Variants in DISC1 observed in about 807,000 individuals in gnomAD.
The protein encoded by DISC1 is DISC1 scaffold protein, also known as disrupted in schizophrenia 1 protein.
DISC1 carries 57 observed loss-of-function variants against 84.5 expected under a neutral mutation model. The ratio of observed to expected loss-of-function variants is 0.67; its 90% CI spans 0.55 to 0.84. The LOEUF (loss-of-function observed/expected upper bound fraction) is 0.84, where lower values mean the gene tolerates loss of function less well. Among genes scored for constraint, DISC1 ranks in the 40% least tolerant of loss-of-function variants. The pLI is 0.00. For synonymous variants in DISC1, 411 were observed against 415.2 expected (o/e 0.99, Z 0.12); for missense variants, 1,000 against 1,057.8 (o/e 0.95, Z 0.76).
Position 231,846,611 on chromosome 1 carries a change from C to T in DISC1, c.1981+28094C>T, listed in dbSNP as rs201049808. The stretch of plus-strand genomic sequence containing the variant: ...GGTAGACACTCACGGTGCAGGGACA[C>T]GCCAGTTCCAAATCGCATCTTTACT... On this transcript the variant is annotated intron_variant, in intron 9 of 12. Coordinates refer to ENST00000439617, the MANE Select transcript of DISC1 (RefSeq NM_018662.3). Among the ~76,000 whole-genome samples, 7 of 152,160 alleles carry T rather than the reference C, an allele frequency of 4.6e-5. No homozygotes were observed. In the East Asian group the frequency reaches 5.8e-4, roughly 13 times the overall value.
In DISC1 at chr1:232,008,925, C is replaced by G; in HGVS notation, c.2183C>G (p.Ala728Gly). The change falls in exon 11 of 13, where the codon GCT (alanine) becomes GGT (glycine). Residue 728 changes from alanine (A) to glycine (G), a missense_variant. Transcript: ENST00000439617. ...AGGCAGATGGATGACTTAGAGGGAG[C>G]TGCTCCTCCTATTCCCCCCAGGCTC... ...DERQMDDLEG[A>G]APPIPPRLHS... is the part of the protein sequence containing the mutation. 1 of 1,613,756 alleles carries G rather than the reference C, an allele frequency of 6.2e-7. No homozygotes were observed. The highest frequency in any genetic ancestry group is 8.5e-7 in the Non-Finnish European group (1 of 1,179,804).
At chr1:231,780,252 G>GAAAAGAAAAAAAAAAAAAAAAAAAAAAA (rs2077314618) in intron 6 of DISC1, among the ~76,000 whole-genome samples, 1 of 120,238 alleles carries the variant, frequency 8.3e-6, no homozygotes, top group Non-Finnish European at 1.7e-5. Flanking sequence ...AAAAAAAAAA[G>GAAAAGAAAAAAAAAAAAAAAAAAAAAAA]AAAAGGAAAG....
At position 231,826,145 on chromosome 1, in the gene DISC1, C is replaced by G. The variant is rs910879152; in HGVS notation, c.1981+7628C>G. Among the ~76,000 whole-genome samples the G allele has an allele frequency of 6.6e-6, 1 of 152,232 alleles. No homozygotes were observed. The highest frequency in any genetic ancestry group is 1.5e-5 in the Non-Finnish European group (1 of 68,048). ...TCTCATCCTCTGGACCACTGTGGTA[C>G]TGGCTCCACTGGAATCTCTGTTTTA... On this transcript the variant is annotated intron_variant, in intron 9 of 12. Transcript: ENST00000439617. This position sits in a 1 kb window ranked among gnomAD's most constrained non-coding sequence, Gnocchi z 4.2.
At position 231,771,898 on chromosome 1, in the gene DISC1, G is replaced by A. The variant is rs572214912; in HGVS notation, c.1634+828G>A. Reference sequence around the variant, plus strand: ...GGCTCACTATAGCTTCAAATTCCTGGGTTTAAGTGATCCTTTCTGCCTCAG... The same window carrying A: ...GGCTCACTATAGCTTCAAATTCCTGAGTTTAAGTGATCCTTTCTGCCTCAG... On this transcript the variant is annotated intron_variant, in intron 6 of 12. Transcript: ENST00000439617. 2.6e-5 allele frequency among the ~76,000 whole-genome samples: 4 copies of A among 152,116 alleles called. No individual in the cohort carries two copies. The South Asian group carries it at 6.2e-4, about 24-fold the overall frequency.
At position 231,826,885 on chromosome 1, in the gene DISC1, T is replaced by G. The variant is rs1180746126; in HGVS notation, c.1981+8368T>G. On this transcript the variant is annotated intron_variant, in intron 9 of 12. Coordinates refer to ENST00000439617, the MANE Select transcript of DISC1 (RefSeq NM_018662.3). This position sits in a 1 kb window ranked among gnomAD's most constrained non-coding sequence, Gnocchi z 4.2. ...TAGAAGCCCTGTTTGCTTTTAAGAA[T>G]TTACTAATTTGTCATCCTTTTGATT... Among the ~76,000 whole-genome samples the G allele has an allele frequency of 6.6e-6, 1 of 152,260 alleles. No homozygotes were observed. The highest frequency in any genetic ancestry group is 1.5e-5 in the Non-Finnish European group (1 of 68,048).
intron 1 of DISC1, among the ~76,000 whole-genome samples, chr1:231,668,334 A>G (rs1166648465): frequency 6.6e-6 from 1 of 152,172 alleles, no homozygotes; most frequent in African/African-American, 2.4e-5. Flanking sequence ...TGTACTTACT[A>G]GCTTAAGCTT....
rs921883900 is a variant in DISC1 at position 231,711,976 on chromosome 1, C to T, written c.1117+9952C>T. The stretch of plus-strand genomic sequence containing the variant: ...ATTGAATTAGAGACCTTGATGAGGG[C>T]ATCATCCCAGATTATCTGAGGTGGG... On this transcript the variant is annotated intron_variant, in intron 3 of 12. Transcript: ENST00000439617. Among the ~76,000 whole-genome samples the T allele has an allele frequency of 1.3e-4, 20 of 152,282 alleles. No homozygotes were observed. In the South Asian group the frequency reaches 3.9e-3, roughly 30 times the overall value.
intron 10 of DISC1, among the ~76,000 whole-genome samples, chr1:231,990,360 C>T (rs569121756): frequency 4.4e-4 from 67 of 152,012 alleles, no homozygotes; most frequent in African/African-American, 1.3e-3. Flanking sequence ...CATCTCCTTC[C>T]GGCCAAGAGT....
intron 9 of DISC1, among the ~76,000 whole-genome samples, chr1:231,919,934 TGA>T (rs1307067376): frequency 2.6e-5 from 4 of 152,222 alleles, no homozygotes; most frequent in Admixed American, 1.3e-4. Flanking sequence ...GAAAATCATG[TGA>T]GGGTTTCCCT....
chr1:231,902,157 G>T (rs1473632353), intron 9 of DISC1, among the ~76,000 whole-genome samples: 1 of 152,078 alleles, frequency 6.6e-6, no homozygotes, highest in African/African-American at 2.4e-5. Flanking sequence ...CCTCTTGACT[G>T]GCACAGATGC....
intron 10 of DISC1, among the ~76,000 whole-genome samples, chr1:231,987,835 C>G (rs1572505962): frequency 6.6e-6 from 1 of 152,158 alleles, no homozygotes. Flanking sequence ...CAATTTGCAT[C>G]TAAATTATAT....
At chr1:231,815,302 A>G (rs1250872511) in intron 8 of DISC1, 2 of 152,170 alleles carry the variant, frequency 1.3e-5, no homozygotes, top group African/African-American at 2.4e-5. Flanking sequence ...GAACAGTCTC[A>G]TCACTCAAGA....
At chr1:231,879,794 G>C (rs2086162312) in intron 9 of DISC1, among the ~76,000 whole-genome samples, 1 of 152,154 alleles carries the variant, frequency 6.6e-6, no homozygotes, top group East Asian at 1.9e-4. Context: ...TCTGGAGATG[G>C]ATCAGAGATG....
In DISC1 at chr1:231,675,036, T is replaced by C. The variant is rs1225474421; in HGVS notation, c.68-18790T>C. On this transcript the variant is annotated intron_variant, in intron 1 of 12. Coordinates refer to ENST00000439617, the MANE Select transcript of DISC1 (RefSeq NM_018662.3). This position sits in a 1 kb window ranked among gnomAD's most constrained non-coding sequence, Gnocchi z 4.1. ...TGTGCCCACAAGCATAATCTCTGAA[T>C]TGGTGGATTTAAAACAAAGTTGATG... 4.6e-5 allele frequency among the ~76,000 whole-genome samples: 7 copies of C among 152,154 alleles called. No homozygotes were observed. Among genetic ancestry groups the C allele is most frequent in the Admixed American group, 4.6e-4 (7 of 15,274 alleles).
intron 11 of DISC1, among the ~76,000 whole-genome samples, chr1:232,024,028 T>TAC (rs112986007): frequency 4.1e-5 from 6 of 146,550 alleles, no homozygotes; most frequent in South Asian, 2.2e-4. Context: ...TATATATATA[T>TAC]ACACACACAT....
intron 1 of DISC1, among the ~76,000 whole-genome samples, chr1:231,640,102 G>C (rs1341154439): frequency 2.0e-5 from 3 of 152,180 alleles, no homozygotes; most frequent in East Asian, 3.8e-4. Context: ...ATTAGAGAAG[G>C]CTTGAGGTTC....
At chr1:231,857,965 A>G (rs537724090) in intron 9 of DISC1, among the ~76,000 whole-genome samples, 1 of 152,220 alleles carries the variant, frequency 6.6e-6, no homozygotes, top group Non-Finnish European at 1.5e-5. Flanking sequence ...GGAGAAAAAC[A>G]TCAGCTAACT....
At chr1:231,923,839 C>G (rs533940870) in intron 9 of DISC1, among the ~76,000 whole-genome samples, 2 of 152,260 alleles carry the variant, frequency 1.3e-5, no homozygotes, top group South Asian at 2.1e-4. Flanking sequence ...CTGGAGTAGC[C>G]TGAGAACCAG....
At chr1:231,998,562 C>T (rs952601217) in intron 10 of DISC1, among the ~76,000 whole-genome samples, 9 of 152,098 alleles carry the variant, frequency 5.9e-5, no homozygotes, top group African/African-American at 2.2e-4. Flanking sequence ...CAATAGAACA[C>T]ATAATACAAG....
Sources: allele counts gnomAD v4.1 joint callset (sites outside exome capture counted in the v4.1 genomes callset), GRCh38; gene constraint gnomAD v4.1.1; non-coding constraint Gnocchi (gnomAD v3.1); transcripts MANE v1.5; gene names NCBI Gene and HGNC (gene_info 2026-07-23, HGNC 2026-07-21).